CTNNA2: variants seen among roughly 807,000 people sequenced by gnomAD.
The protein encoded by CTNNA2 is catenin alpha 2.
A neutral mutation model predicts 101.0 loss-of-function variants in CTNNA2; 42 were observed. The observed-to-expected ratio is 0.42, with a 90% confidence interval of 0.32 to 0.54. The LOEUF is 0.54. Among genes scored for constraint, CTNNA2 ranks in the 20% least tolerant of loss-of-function variants. The probability of loss-of-function intolerance (pLI) is 0.14; values close to 1 mark genes in which losing one functional copy is unlikely to be tolerated. For synonymous variants in CTNNA2, 450 were observed against 456.4 expected (o/e 0.99, Z 0.18); for missense variants, 871 against 1,223.1 (o/e 0.71, Z 4.29).
intron 9 of CTNNA2, among the ~76,000 whole-genome samples, chr2:80,426,780 TC>T (rs756519237): frequency 6.6e-6 from 1 of 151,786 alleles, no homozygotes; most frequent in East Asian, 2.0e-4. Flanking sequence ...ACACTTGCCA[TC>T]TTTTGCTTGT....
intron 1 of CTNNA2, among the ~76,000 whole-genome samples, chr2:79,580,388 T>A (rs1217821718): frequency 6.6e-6 from 1 of 152,186 alleles, no homozygotes; most frequent in East Asian, 1.9e-4. Flanking sequence ...GAAGCCGGAA[T>A]GACTCTTAGC....
chr2:80,097,898 G>T (rs1402618724), intron 7 of CTNNA2, among the ~76,000 whole-genome samples: 14 of 152,020 alleles, frequency 9.2e-5, no homozygotes, highest in Admixed American at 9.2e-4. Flanking sequence ...ATTCTAGTTA[G>T]CCATGCACCT....
chr2:79,859,313 C>T (rs367568112), intron 4 of CTNNA2, among the ~76,000 whole-genome samples: 2 of 152,138 alleles, frequency 1.3e-5, no homozygotes, highest in East Asian at 1.9e-4. Flanking sequence ...ATAACAAGAG[C>T]GTGCTCTCAC....
intron 2 of CTNNA2, among the ~76,000 whole-genome samples, chr2:79,294,310 C>A (rs528046107): frequency 6.6e-6 from 1 of 151,976 alleles, no homozygotes. Flanking sequence ...AGAGAGGGTG[C>A]TAGCTCTCTC....
chr2:79,284,428 T>C (rs1355239650), intron 2 of CTNNA2, among the ~76,000 whole-genome samples: 3 of 149,106 alleles, frequency 2.0e-5, no homozygotes, highest in African/African-American at 7.5e-5. Flanking sequence ...TTTTGAAATA[T>C]GTCCCATCAA....
At chr2:80,263,482 G>A (rs191947969) in intron 7 of CTNNA2, among the ~76,000 whole-genome samples, 3 of 152,188 alleles carry the variant, frequency 2.0e-5, no homozygotes, top group East Asian at 3.9e-4. Flanking sequence ...TTACAGGCAC[G>A]TGCCACCATG....
intron 7 of CTNNA2, among the ~76,000 whole-genome samples, chr2:79,937,754 A>G (rs2104446105): frequency 6.6e-6 from 1 of 152,370 alleles, no homozygotes; most frequent in South Asian, 2.1e-4. Context: ...TGAAGACTGT[A>G]TTCTAAAGCT....
At chr2:79,316,269 T>A (rs1194023216) in intron 3 of CTNNA2, among the ~76,000 whole-genome samples, 2 of 152,068 alleles carry the variant, frequency 1.3e-5, no homozygotes, top group African/African-American at 4.8e-5. Flanking sequence ...ATGTAATGGT[T>A]TATTTCTGGA....
In CTNNA2 at chr2:80,589,446, A is replaced by G. The variant is rs1342855328; in HGVS notation, c.2150A>G (p.Gln717Arg). The change falls in exon 15 of 19, where the codon CAG becomes CGG. Residue 717 changes from glutamine to arginine, a missense_variant. This residue lies in a region of CTNNA2 where 93 missense variants were observed against 223.7 expected (regional missense o/e 0.42). Transcript: ENST00000402739. ...AATGATATCATTGTACTGGCCAAGC[A>G]GATGTGTATGATCATGATGGAAATG... ...SGNDIIVLAK[Q>R]MCMIMMEMTD... 1 of 1,614,124 alleles carries G rather than the reference A, an allele frequency of 6.2e-7. No individual in the cohort carries two copies. Among genetic ancestry groups the G allele is most frequent in the Non-Finnish European group, 8.5e-7 (1 of 1,179,966 alleles).
intron 7 of CTNNA2, among the ~76,000 whole-genome samples, chr2:80,144,542 C>T (rs1197085022): frequency 6.6e-6 from 1 of 152,152 alleles, no homozygotes; most frequent in East Asian, 1.9e-4. Flanking sequence ...ATCACTGGAA[C>T]ACTTAGAGGA....
chr2:79,721,382 T>A (rs749694140), intron 2 of CTNNA2, among the ~76,000 whole-genome samples: 2 of 152,134 alleles, frequency 1.3e-5, no homozygotes, highest in Admixed American at 6.5e-5. Flanking sequence ...TCAGATCAAG[T>A]CTCTCTTTCT....
Position 79,789,049 on chromosome 2 carries a change from C to T in CTNNA2, c.298+44467C>T, listed in dbSNP as rs75541599. ...TTACTAAGTTTAAACCTTATGAGCT[C>T]AGCACTGCTTAGCCTTTTAAATGTG... On this transcript the variant is annotated intron_variant, in intron 3 of 18. Coordinates refer to ENST00000402739, the MANE Select transcript of CTNNA2 (RefSeq NM_001282597.3). Among the ~76,000 whole-genome samples the T allele has an allele frequency of 3.6e-3, 552 of 152,266 alleles. 4 individuals carry two copies. The highest frequency in any genetic ancestry group is 0.012 in the African/African-American group (511 of 41,560).
At chr2:80,265,479 G>A (rs1263162164) in intron 7 of CTNNA2, among the ~76,000 whole-genome samples, 1 of 152,104 alleles carries the variant, frequency 6.6e-6, no homozygotes, top group African/African-American at 2.4e-5. Context: ...TAGGGATTCT[G>A]GAGACATTTG....
chr2:79,404,329 T>G (rs904140775), intron 4 of CTNNA2, among the ~76,000 whole-genome samples: 85 of 152,078 alleles, frequency 5.6e-4, no homozygotes, highest in African/African-American at 1.9e-3. Context: ...TCTTGTCCCC[T>G]CCCTCCCCAA....
At chr2:80,206,946 T>C (rs1009756975) in intron 7 of CTNNA2, among the ~76,000 whole-genome samples, 1 of 152,094 alleles carries the variant, frequency 6.6e-6, no homozygotes, top group Non-Finnish European at 1.5e-5. Flanking sequence ...GATAAGCAAT[T>C]AGAAAAAGCA....
chr2:79,732,765 T>C (rs1000640577), intron 2 of CTNNA2, among the ~76,000 whole-genome samples: 1 of 152,062 alleles, frequency 6.6e-6, no homozygotes, highest in Non-Finnish European at 1.5e-5. Flanking sequence ...CTACATAATA[T>C]CTAAATGGGT....
At chr2:80,534,787 G>A (rs764141716) in intron 9 of CTNNA2, among the ~76,000 whole-genome samples, 1 of 152,164 alleles carries the variant, frequency 6.6e-6, no homozygotes, top group Admixed American at 6.6e-5. Flanking sequence ...TATGGTCACA[G>A]GTAAACAAGT....
intron 3 of CTNNA2, among the ~76,000 whole-genome samples, chr2:79,323,549 A>G (rs1296649304): frequency 6.6e-6 from 1 of 152,210 alleles, no homozygotes; most frequent in Non-Finnish European, 1.5e-5. Context: ...AGAACAAAGT[A>G]AAACAAAACA....
chr2:80,095,409 A>AT (rs1558802506), intron 7 of CTNNA2, among the ~76,000 whole-genome samples: 1 of 152,136 alleles, frequency 6.6e-6, no homozygotes, highest in African/African-American at 2.4e-5. Context: ...GTTTGCCAGT[A>AT]TTTTATTGAG....
Sources: gnomAD v4.1 joint callset for allele counts (sites outside exome capture counted in the v4.1 genomes callset) on GRCh38, gnomAD v4.1.1 for gene constraint, gnomAD v4.1.1 regional missense constraint, MANE v1.5 for transcripts, NCBI Gene and HGNC (gene_info 2026-07-23, HGNC 2026-07-21) for gene names.